The following SLC41A2 variants were observed in gnomAD, a reference collection of about 807,000 sequenced individuals.
The protein encoded by SLC41A2 is SLC41A1-like 1.
Under a neutral mutation model 58.3 loss-of-function variants are expected in SLC41A2, and 32 were observed. The ratio of observed to expected loss-of-function variants is 0.55; its 90% CI spans 0.41 to 0.74. The LOEUF (loss-of-function observed/expected upper bound fraction) is 0.74. Ranked by LOEUF, SLC41A2 falls within the 30% of genes least tolerant of loss-of-function variation. SLC41A2 has a pLI of 0.00. For synonymous variants in SLC41A2, 190 were observed against 235.0 expected (o/e 0.81, Z 1.75); for missense variants, 514 against 680.6 (o/e 0.76, Z 2.72).
chr12:104,889,273 AG>A (rs1477264432), intron 4 of SLC41A2, 96 bp from the exon 5 acceptor site: 5 of 1,257,752 alleles, frequency 4.0e-6, no homozygotes, highest in Non-Finnish European at 5.5e-6. Flanking sequence ...AGTCAAAAAA[AG>A]TATTGCATGT....
intron 10 of SLC41A2, among the ~76,000 whole-genome samples, chr12:104,813,297 T>C (rs542928779): frequency 6.6e-6 from 1 of 152,016 alleles, no homozygotes; most frequent in Non-Finnish European, 1.5e-5. Flanking sequence ...GAAAATAGAA[T>C]ACACTACATG....
Position 104,886,575 on chromosome 12 carries a change from C to T in SLC41A2, c.881-136G>A, listed in dbSNP as rs535530133. ...GCTTAGATAAGCTGACTAAAGCAAACAAAACATTTACTCTAACGCTTTGGC... is the reference window on the plus strand; with the variant it reads ...GCTTAGATAAGCTGACTAAAGCAAATAAAACATTTACTCTAACGCTTTGGC... On this transcript the variant is annotated intron_variant, in intron 5 of 10. Coordinates refer to ENST00000258538, the MANE Select transcript of SLC41A2 (RefSeq NM_001352171.3). 16 of 863,700 alleles carry T rather than the reference C, an allele frequency of 1.9e-5. No individual in the cohort carries two copies. The South Asian group carries it at 3.2e-4, about 17-fold the overall frequency. The allele number at this position is 863,700 out of a possible 1,614,324, so 53.5% of individuals were successfully genotyped here. A position where few individuals can be genotyped will look rare whatever the true frequency, so the allele number is the denominator to read the frequency against.
rs115915585 is a variant in SLC41A2 at position 104,896,601 on chromosome 12, C to A, written c.664-1256G>T. On this transcript the variant is annotated intron_variant, in intron 3 of 10. Transcript: ENST00000258538. Reference sequence around the variant, plus strand: ...GATGTCTATATCTGTAGGAAGCAATCTAAAATGATTCAATGAAAAAGTATA... The same window carrying A: ...GATGTCTATATCTGTAGGAAGCAATATAAAATGATTCAATGAAAAAGTATA... Among the ~76,000 whole-genome samples, 971 of 152,180 alleles carry A rather than the reference C, an allele frequency of 6.4e-3. 9 individuals carry two copies. The highest frequency in any genetic ancestry group is 0.022 in the African/African-American group (928 of 41,524).
In SLC41A2 at chr12:104,886,382, T is replaced by C; in HGVS notation, c.938A>G (p.Asn313Ser). Residue 313 changes from asparagine to serine, a missense_variant, in exon 6 of 11, where the codon AAT (asparagine) becomes AGT (serine). Coordinates refer to ENST00000258538, the MANE Select transcript of SLC41A2 (RefSeq NM_001352171.3). ...ACTAGCAGCAATGGGTGTAGCAACATTATCAGGATTTATACCAGTCTTCTT... is the reference window on the plus strand; with the variant it reads ...ACTAGCAGCAATGGGTGTAGCAACACTATCAGGATTTATACCAGTCTTCTT... ...GSKKTGINPD[N>S]VATPIAASFG... is the part of the protein sequence containing the mutation. 2 of 1,613,606 alleles carry C rather than the reference T, an allele frequency of 1.2e-6. No individual in the cohort carries two copies. The highest frequency in any genetic ancestry group is 1.7e-6 in the Non-Finnish European group (2 of 1,179,594).
intron 6 of SLC41A2, among the ~76,000 whole-genome samples, chr12:104,876,752 G>C (rs765644336): frequency 2.6e-5 from 4 of 152,062 alleles, no homozygotes; most frequent in African/African-American, 7.2e-5. Flanking sequence ...TGTGTATTCC[G>C]CTGCTGTTGG....
intron 7 of SLC41A2, among the ~76,000 whole-genome samples, chr12:104,865,978 A>T (rs953052074): frequency 6.6e-6 from 1 of 152,142 alleles, no homozygotes; most frequent in African/African-American, 2.4e-5. Flanking sequence ...ATATGTCCTT[A>T]ATTACATCTT....
Position 104,889,187 on chromosome 12 carries a change from T to C in SLC41A2, c.736-10A>G. 6.3e-7 allele frequency: 1 copy of C among 1,598,950 alleles called. No homozygotes were observed. The highest frequency in any genetic ancestry group is 8.5e-7 in the Non-Finnish European group (1 of 1,176,206). ...CTACTGTTGCCTGAACCTAAAATTT[T>C]TTTCATAAATCCAACTGAATTATTC... On this transcript the variant is annotated splice_polypyrimidine_tract_variant and intron_variant, in intron 4 of 10. Coordinates refer to ENST00000258538, the MANE Select transcript of SLC41A2 (RefSeq NM_001352171.3).
At chr12:104,808,926 G>A (rs2041050169) in intron 10 of SLC41A2, among the ~76,000 whole-genome samples, 1 of 152,098 alleles carries the variant, frequency 6.6e-6, no homozygotes, top group Admixed American at 6.6e-5. Context: ...AACCCCTGAA[G>A]CAGCAAAATA....
At chr12:104,890,144 T>C (rs145798572) in intron 4 of SLC41A2, among the ~76,000 whole-genome samples, 2 of 152,298 alleles carry the variant, frequency 1.3e-5, no homozygotes, top group East Asian at 3.9e-4. Flanking sequence ...ATGGACTCTC[T>C]GAAGCCAATC....
intron 2 of SLC41A2, among the ~76,000 whole-genome samples, chr12:104,911,384 A>T (rs185655781): frequency 1.3e-5 from 2 of 152,318 alleles, no homozygotes; most frequent in East Asian, 3.9e-4. Context: ...TGGTTTACAC[A>T]TGATAATGAA....
At chr12:104,948,070 AT>A (rs1482386265) in intron 1 of SLC41A2, among the ~76,000 whole-genome samples, 1 of 152,168 alleles carries the variant, frequency 6.6e-6, no homozygotes, top group Non-Finnish European at 1.5e-5. Flanking sequence ...TATTATGGAA[AT>A]TCTTTATTGT....
intron 1 of SLC41A2, chr12:104,931,627 C>T (rs951245476): frequency 1.3e-5 from 2 of 152,170 alleles, no homozygotes; most frequent in Admixed American, 6.5e-5. Context: ...GAATAAATGA[C>T]TTACAGGGCT....
chr12:104,923,216 G>A (rs2046681487), intron 2 of SLC41A2, among the ~76,000 whole-genome samples: 1 of 145,986 alleles, frequency 6.8e-6, no homozygotes, highest in Non-Finnish European at 1.5e-5. Flanking sequence ...CAAAAAATTA[G>A]CCAGGCGGGG....
At chr12:104,939,130 G>A (rs778141138) in intron 1 of SLC41A2, among the ~76,000 whole-genome samples, 2 of 152,166 alleles carry the variant, frequency 1.3e-5, no homozygotes, top group African/African-American at 2.4e-5. Context: ...TTTACCACTG[G>A]TTTATAGAGT....
intron 1 of SLC41A2, among the ~76,000 whole-genome samples, chr12:104,946,828 T>G (rs1336319949): frequency 6.6e-6 from 1 of 152,188 alleles, no homozygotes; most frequent in African/African-American, 2.4e-5. Flanking sequence ...TGTCAAGAAG[T>G]GTCGACACAC....
At chr12:104,904,634 C>T (rs1026458027) in intron 3 of SLC41A2, among the ~76,000 whole-genome samples, 3 of 151,864 alleles carry the variant, frequency 2.0e-5, no homozygotes. Context: ...GGAGTCTGTC[C>T]CTTCTGATGT....
chr12:104,914,061 C>CA lies in SLC41A2; in HGVS notation c.556-4300dup, dbSNP rs201181037. Among the ~76,000 whole-genome samples, 894 of 149,864 alleles carry CA rather than the reference C, an allele frequency of 6.0e-3. 17 individuals carry two copies. Among genetic ancestry groups the CA allele is most frequent in the African/African-American group, 0.02 (836 of 40,838 alleles). On this transcript the variant is annotated intron_variant, in intron 2 of 10. Coordinates refer to ENST00000258538, the MANE Select transcript of SLC41A2 (RefSeq NM_001352171.3). ...TGGGTGACAGGGCGAGACTCTATCTCAAAAAAAAGAAAAAAAAAAGTTAAC... is the reference window on the plus strand; with the variant it reads ...TGGGTGACAGGGCGAGACTCTATCTCAAAAAAAAAGAAAAAAAAAAGTTAAC...
At chr12:104,843,118 T>C (rs1200295504) in intron 10 of SLC41A2, among the ~76,000 whole-genome samples, 1 of 152,072 alleles carries the variant, frequency 6.6e-6, no homozygotes, top group African/African-American at 2.4e-5. Flanking sequence ...ACTCCCCAGG[T>C]AGAGGTACTT....
chr12:104,889,149 G>T lies in SLC41A2; in HGVS notation c.764C>A (p.Ala255Glu). 6.2e-7 allele frequency: 1 copy of T among 1,608,874 alleles called. No homozygotes were observed. Among genetic ancestry groups the T allele is most frequent in the Admixed American group, 1.7e-5 (1 of 58,480 alleles). Residue 255 changes from alanine (A) to glutamate (E), a missense_variant, in exon 5 of 11, where the codon GCA becomes GAA. This residue lies in a region of SLC41A2 where 336 missense variants were observed against 430.0 expected (regional missense o/e 0.78). Transcript: ENST00000258538. ...QVQATVVGFL[A>E]AVAAIILGWI... ...GCCCAATATAATTGCTGCCACAGCT[G>T]CTAGAAAACCCACTACTGTTGCCTG...
Sources: allele counts gnomAD v4.1 joint callset (sites outside exome capture counted in the v4.1 genomes callset), GRCh38; gene constraint gnomAD v4.1.1; regional missense constraint gnomAD v4.1.1; transcripts MANE v1.5; gene names NCBI Gene and HGNC (gene_info 2026-07-23, HGNC 2026-07-21).